Variants in VRK1 observed in about 807,000 individuals in gnomAD.
VRK1 encodes the protein serine/threonine-protein kinase VRK1.
Under a neutral mutation model 57.1 loss-of-function variants are expected in VRK1, and 33 were observed. The ratio of observed to expected loss-of-function variants is 0.58; its 90% CI spans 0.44 to 0.77. The LOEUF is 0.77. Among genes scored for constraint, VRK1 ranks in the 30% least tolerant of loss-of-function variants. VRK1 has a pLI of 0.00. For synonymous variants in VRK1, 137 were observed against 147.8 expected (o/e 0.93, Z 0.53); for missense variants, 413 against 477.3 (o/e 0.87, Z 1.25).
intron 11 of VRK1, among the ~76,000 whole-genome samples, chr14:96,866,619 G>C (rs1275987328): frequency 6.6e-6 from 1 of 152,106 alleles, no homozygotes; most frequent in Non-Finnish European, 1.5e-5. Flanking sequence ...CTGCTTTTGG[G>C]GAGTCACTGG....
intron 10 of VRK1, 95 bp downstream of exon 10, chr14:96,856,681 G>C (rs1888168990): frequency 8.8e-7 from 1 of 1,137,140 alleles, no homozygotes; most frequent in Non-Finnish European, 1.3e-6. Context: ...TAAGATGTTA[G>C]GTGGTGGCCA....
chr14:96,830,802 A>C (rs886578438), intron 1 of VRK1, among the ~76,000 whole-genome samples: 2 of 152,126 alleles, frequency 1.3e-5, no homozygotes, highest in African/African-American at 2.4e-5. Flanking sequence ...CCCACTCTTC[A>C]CTTGTTTTTG....
At chr14:96,845,462 G>A (rs1015558260) in intron 3 of VRK1, among the ~76,000 whole-genome samples, 1 of 152,136 alleles carries the variant, frequency 6.6e-6, no homozygotes, top group African/African-American at 2.4e-5. Flanking sequence ...AACATAAAAT[G>A]AATGTAGTCC....
intron 1 of VRK1, among the ~76,000 whole-genome samples, chr14:96,830,192 G>A (rs911520773): frequency 6.6e-6 from 1 of 151,796 alleles, no homozygotes; most frequent in African/African-American, 2.4e-5. Flanking sequence ...GGTCATTCTG[G>A]GTTGATTTTT....
At chr14:96,842,301 T>C (rs1887494899) in intron 3 of VRK1, among the ~76,000 whole-genome samples, 1 of 152,210 alleles carries the variant, frequency 6.6e-6, no homozygotes, top group Non-Finnish European at 1.5e-5. Flanking sequence ...CTAATATTAA[T>C]AGTTGAAATG....
At chr14:96,842,056 C>T (rs895664779) in intron 3 of VRK1, among the ~76,000 whole-genome samples, 14 of 152,092 alleles carry the variant, frequency 9.2e-5, no homozygotes, top group Admixed American at 6.6e-5. Context: ...TATTCTGTCT[C>T]TCTAACTGAA....
chr14:96,852,981 G>A (rs1888010275), intron 6 of VRK1, 42 bp downstream of exon 6: 1 of 1,608,554 alleles, frequency 6.2e-7, no homozygotes, highest in African/African-American at 1.3e-5. Context: ...AAATTGTTTT[G>A]AGTACAGTAA....
At position 96,855,367 on chromosome 14, in the gene VRK1, A is replaced by G. The variant is rs1232566377; in HGVS notation, c.709+11A>G. On this transcript the variant is annotated intron_variant, in intron 8 of 12. Transcript: ENST00000216639. The stretch of plus-strand genomic sequence containing the variant: ...CACACAATGGCGTGGGTATGTCAGT[A>G]GTACTGGAGTGAGAAATAGACTGCT... 6.2e-7 allele frequency: 1 copy of G among 1,614,032 alleles called. No individual in the cohort carries two copies. The highest frequency in any genetic ancestry group is 8.5e-7 in the Non-Finnish European group (1 of 1,179,874).
intron 11 of VRK1, among the ~76,000 whole-genome samples, chr14:96,873,873 G>T (rs1230680695): frequency 2.0e-5 from 3 of 152,208 alleles, no homozygotes; most frequent in African/African-American, 7.2e-5. Context: ...AAGTTGGGCA[G>T]GAGTTACCTG....
At chr14:96,871,852 G>A (rs1179899480) in intron 11 of VRK1, among the ~76,000 whole-genome samples, 1 of 151,780 alleles carries the variant, frequency 6.6e-6, no homozygotes, top group Non-Finnish European at 1.5e-5. Context: ...ACGGAGTCTT[G>A]CTCTGTCACC....
intron 7 of VRK1, among the ~76,000 whole-genome samples, chr14:96,853,716 GTTA>G (rs781064415): frequency 6.6e-6 from 1 of 151,928 alleles, no homozygotes. Context: ...AAAAGCTAAT[GTTA>G]TTATACCTTT....
Position 96,858,386 on chromosome 14 carries a change from C to T in VRK1, c.889+1800C>T, listed in dbSNP as rs560688448. Reference sequence around the variant, plus strand: ...TGGGATTGTAGGCATCAGCCACTGCCCTTGGCCCTATTATTGTATGTTTAA... The same window carrying T: ...TGGGATTGTAGGCATCAGCCACTGCTCTTGGCCCTATTATTGTATGTTTAA... On this transcript the variant is annotated intron_variant, in intron 10 of 12. Transcript: ENST00000216639. Among the ~76,000 whole-genome samples, 29 of 152,262 alleles carry T rather than the reference C, an allele frequency of 1.9e-4. No individual in the cohort carries two copies. In the South Asian group the frequency reaches 2.1e-3, roughly 11 times the overall value.
intron 5 of VRK1, among the ~76,000 whole-genome samples, chr14:96,849,438 A>G (rs1035508381): frequency 6.6e-6 from 1 of 150,982 alleles, no homozygotes; most frequent in Non-Finnish European, 1.5e-5. Context: ...TAATTTGAGT[A>G]TAAACGTCTT....
At chr14:96,844,010 A>G (rs1158600501) in intron 3 of VRK1, among the ~76,000 whole-genome samples, 1 of 152,212 alleles carries the variant, frequency 6.6e-6, no homozygotes, top group Non-Finnish European at 1.5e-5. Flanking sequence ...AAACTGAATA[A>G]ATCAGAATTT....
At chr14:96,876,604 TC>T (rs368648781) in intron 12 of VRK1, among the ~76,000 whole-genome samples, 48 of 152,302 alleles carry the variant, frequency 3.2e-4, no homozygotes, top group African/African-American at 1.1e-3. Context: ...CTCACACTGA[TC>T]CCACATAACT....
At chr14:96,851,331 G>A (rs1411967202) in intron 5 of VRK1, among the ~76,000 whole-genome samples, 1 of 151,934 alleles carries the variant, frequency 6.6e-6, no homozygotes, top group Non-Finnish European at 1.5e-5. Flanking sequence ...AGTAGAGACG[G>A]GGTTTCACCA....
chr14:96,807,162 C>G (rs1885913299), intron 1 of VRK1, among the ~76,000 whole-genome samples: 1 of 152,192 alleles, frequency 6.6e-6, no homozygotes, highest in South Asian at 2.1e-4. Flanking sequence ...AAAATCATCT[C>G]TGGTTGAGAA....
At chr14:96,823,055 A>G (rs775636176) in intron 1 of VRK1, among the ~76,000 whole-genome samples, 4 of 152,150 alleles carry the variant, frequency 2.6e-5, no homozygotes, top group African/African-American at 7.2e-5. Flanking sequence ...CCTTGTTCCA[A>G]TGAGCAAAGT....
chr14:96,807,181 C>A (rs1885913718), intron 1 of VRK1, among the ~76,000 whole-genome samples: 1 of 152,208 alleles, frequency 6.6e-6, no homozygotes, highest in Non-Finnish European at 1.5e-5. Flanking sequence ...AACCACTGCT[C>A]TAGAGACAGC....
Sources: gnomAD v4.1 joint callset for allele counts (sites outside exome capture counted in the v4.1 genomes callset) on GRCh38, gnomAD v4.1.1 for gene constraint, MANE v1.5 for transcripts, NCBI Gene and HGNC (gene_info 2026-07-23, HGNC 2026-07-21) for gene names.